CHST8: variants seen among roughly 807,000 people sequenced by gnomAD.
CHST8 encodes the protein carbohydrate sulfotransferase 8.
Under a neutral mutation model 15.0 loss-of-function variants are expected in CHST8, and 10 were observed. The observed-to-expected ratio is 0.67, with a 90% CI of 0.41 to 1.13. CHST8 has a LOEUF of 1.13. Among genes scored for constraint, CHST8 ranks in the 50% most tolerant of loss-of-function variants. The pLI, the probability that CHST8 is intolerant of heterozygous loss-of-function variation, is 0.00. For missense variants in CHST8, 634 were observed against 608.2 expected (o/e 1.04, Z -0.45); for synonymous variants, 259 against 256.6 (o/e 1.01, Z -0.09).
In CHST8 at chr19:33,772,166, G is replaced by T. The variant is rs1222096518; in HGVS notation, c.378G>T (p.Pro126=). The T allele has an allele frequency of 6.2e-7, 1 of 1,601,256 alleles. No individual in the cohort carries two copies. The highest frequency in any genetic ancestry group is 1.1e-5 in the South Asian group (1 of 90,140). The stretch of plus-strand genomic sequence containing the variant: ...AAATGCCAGCTGCGGCGACCATCCC[G>T]GCCAACAGCTCGGACGCGCCCTTCA... ...IKKMPAAATI[P]ANSSDAPFIR... The change falls in exon 5 of 5, where the codon CCG becomes CCT. Residue 126 remains proline (P), a synonymous_variant. Coordinates refer to ENST00000650847, the MANE Select transcript of CHST8 (RefSeq NM_001127895.2).
intron 1 of CHST8, among the ~76,000 whole-genome samples, chr19:33,652,377 T>C (rs1972460599): frequency 1.4e-5 from 2 of 145,574 alleles, no homozygotes; most frequent in Admixed American, 6.9e-5. Flanking sequence ...TCTCTCTTTT[T>C]TTTTTTTTTT....
chr19:33,762,976 C>G (rs1974767779), intron 3 of CHST8, among the ~76,000 whole-genome samples: 1 of 151,660 alleles, frequency 6.6e-6, no homozygotes. Flanking sequence ...TCAAGTGATT[C>G]TCCTGCCTCA....
chr19:33,724,053 G>A (rs930222206), intron 3 of CHST8, among the ~76,000 whole-genome samples: 4 of 152,176 alleles, frequency 2.6e-5, no homozygotes, highest in South Asian at 2.1e-4. Flanking sequence ...GAGGTCTTGC[G>A]TCTCAGGCAC....
rs71181381 is a variant in CHST8 at position 33,765,070 on chromosome 19, A to ATATATATATATATATATG, written c.131-6340_131-6339insATATATATATATATGTAT. Among the ~76,000 whole-genome samples the ATATATATATATATATATG allele has an allele frequency of 3.3e-3, 374 of 113,142 alleles. 11 individuals carry two copies. The highest frequency in any genetic ancestry group is 4.1e-3 in the Middle Eastern group (1 of 244). 74.2% of individuals were successfully genotyped at this position (113,142 alleles called of 152,430 possible). On this transcript the variant is annotated intron_variant, in intron 3 of 4. Coordinates refer to ENST00000650847, the MANE Select transcript of CHST8 (RefSeq NM_001127895.2). ...TATTCCATCATATATATATATATAT[A>ATATATATATATATATATG]TATCAGAGTTTCTTTATCCACTCGT...
rs77159597 is a variant in CHST8, at chr19:33,695,287, A to G, written c.130+5896A>G. Among the ~76,000 whole-genome samples the G allele has an allele frequency of 2.3e-3, 357 of 152,276 alleles. 7 individuals are homozygous for G. In the East Asian group the frequency reaches 0.052, roughly 22 times the overall value. On this transcript the variant is annotated intron_variant, in intron 3 of 4. Coordinates refer to ENST00000650847, the MANE Select transcript of CHST8 (RefSeq NM_001127895.2). ...AATAAACGATGTCTAGTTTGAGACA[A>G]TGTGCCAGCACTCACTGGGGCAGAC...
At chr19:33,699,878 C>T (rs911754149) in intron 3 of CHST8, among the ~76,000 whole-genome samples, 1 of 152,152 alleles carries the variant, frequency 6.6e-6, no homozygotes, top group Non-Finnish European at 1.5e-5. Flanking sequence ...GAGACAAATG[C>T]CAGGACAAAT....
At chr19:33,715,446 C>T (rs970737963) in intron 3 of CHST8, among the ~76,000 whole-genome samples, 3 of 152,202 alleles carry the variant, frequency 2.0e-5, no homozygotes, top group African/African-American at 4.8e-5. Flanking sequence ...AGGATCAGAC[C>T]TTGAGAGACA....
intron 2 of CHST8, among the ~76,000 whole-genome samples, chr19:33,686,577 T>C (rs1047259181): frequency 6.6e-6 from 1 of 152,164 alleles, no homozygotes; most frequent in Admixed American, 6.5e-5. Flanking sequence ...GAGCCTGATA[T>C]TGAGGGACCC....
Position 33,759,205 on chromosome 19 carries a change from C to G in CHST8, c.131-12208C>G, listed in dbSNP as rs542213815. 7.9e-5 allele frequency among the ~76,000 whole-genome samples: 12 copies of G among 152,384 alleles called. No homozygotes were observed. In the South Asian group the frequency reaches 2.3e-3, roughly 29 times the overall value. ...GCGGGGACGAATGTCCAAACTACAT[C>G]AAGACAGCCCCTTTATGGGGCCACC... On this transcript the variant is annotated intron_variant, in intron 3 of 4. Transcript: ENST00000650847.
In CHST8 at chr19:33,622,020, G is replaced by C. The variant is rs1326305807; in HGVS notation, c.-440G>C. On this transcript the variant is annotated 5_prime_UTR_variant, in exon 1 of 5. Coordinates refer to ENST00000650847, the MANE Select transcript of CHST8 (RefSeq NM_001127895.2). ...GTGCTGCGGGGAGGAGAGAGGACGAGGCGGCGGCGGCAGCAGGAGGTGGGG... is the reference window on the plus strand; with the variant it reads ...GTGCTGCGGGGAGGAGAGAGGACGACGCGGCGGCGGCAGCAGGAGGTGGGG... The C allele has an allele frequency of 6.6e-6, 1 of 152,190 alleles. No homozygotes were observed. Among genetic ancestry groups the C allele is most frequent in the African/African-American group, 2.4e-5 (1 of 41,422 alleles). The allele number at this position is 152,190 out of a possible 1,614,324, so 9.4% of individuals were successfully genotyped here.
chr19:33,682,295 C>T (rs910075758), intron 2 of CHST8, among the ~76,000 whole-genome samples: 1 of 148,844 alleles, frequency 6.7e-6, no homozygotes, highest in Non-Finnish European at 1.5e-5. Context: ...CAGGTTCAAG[C>T]GATTCTCCTG....
At chr19:33,679,786 G>A (rs1236117453) in intron 2 of CHST8, among the ~76,000 whole-genome samples, 5 of 152,172 alleles carry the variant, frequency 3.3e-5, no homozygotes, top group Non-Finnish European at 7.3e-5. Flanking sequence ...CAGAGTGGTG[G>A]GCTTGGAGAT....
intron 1 of CHST8, among the ~76,000 whole-genome samples, chr19:33,642,590 T>C (rs1461054886): frequency 6.6e-6 from 1 of 152,186 alleles, no homozygotes; most frequent in African/African-American, 2.4e-5. Flanking sequence ...CTTGAACTCC[T>C]GACCTCAAGT....
intron 3 of CHST8, among the ~76,000 whole-genome samples, chr19:33,732,737 G>A (rs995629767): frequency 2.6e-5 from 4 of 152,058 alleles, no homozygotes; most frequent in African/African-American, 4.8e-5. Context: ...AACCGAAGTG[G>A]GCAGCAGGGC....
chr19:33,734,455 CCT>C (rs1404122582), intron 3 of CHST8, among the ~76,000 whole-genome samples: 1 of 152,194 alleles, frequency 6.6e-6, no homozygotes, highest in East Asian at 1.9e-4. Context: ...ATCCAAGAAC[CCT>C]CTCTGGGGGT....
At chr19:33,730,561 G>A (rs1973976232) in intron 3 of CHST8, among the ~76,000 whole-genome samples, 1 of 152,166 alleles carries the variant, frequency 6.6e-6, no homozygotes, top group African/African-American at 2.4e-5. Flanking sequence ...ACTGGAAAGG[G>A]GTCCCAATCC....
intron 3 of CHST8, among the ~76,000 whole-genome samples, chr19:33,719,356 C>G (rs1243569153): frequency 6.6e-6 from 1 of 152,162 alleles, no homozygotes. Flanking sequence ...CTCTCAAGGT[C>G]TCTCTGTCCT....
intron 3 of CHST8, among the ~76,000 whole-genome samples, chr19:33,699,477 G>A (rs1168468316): frequency 6.6e-6 from 1 of 152,158 alleles, no homozygotes; most frequent in East Asian, 1.9e-4. Context: ...GAGGGGAACT[G>A]TGGGCTGCTT....
chr19:33,715,340 A>G (rs1438049960), intron 3 of CHST8, among the ~76,000 whole-genome samples: 1 of 152,192 alleles, frequency 6.6e-6, no homozygotes, highest in Non-Finnish European at 1.5e-5. Flanking sequence ...TGTGGGTAAC[A>G]TGGGGCTCTT....
Sources: allele counts gnomAD v4.1 joint callset (sites outside exome capture counted in the v4.1 genomes callset), GRCh38; gene constraint gnomAD v4.1.1; transcripts MANE v1.5; gene names NCBI Gene and HGNC (gene_info 2026-07-23, HGNC 2026-07-21).